MBD5: variants seen among roughly 807,000 people sequenced by gnomAD.
MBD5 encodes methyl-CpG-binding domain protein 5.
A neutral mutation model predicts 117.3 loss-of-function variants in MBD5; 13 were observed. The ratio of observed to expected loss-of-function variants is 0.11; its 90% CI spans 0.07 to 0.18. MBD5 has a LOEUF of 0.18. Among genes scored for constraint, MBD5 ranks in the 10% least tolerant of loss-of-function variants. The probability of loss-of-function intolerance (pLI) is 1.00; values close to 1 mark genes in which losing one functional copy is unlikely to be tolerated. For synonymous variants in MBD5, 727 were observed against 766.4 expected (o/e 0.95, Z 0.85); for missense variants, 1,879 against 2,093.8 (o/e 0.90, Z 2.00).
intron 2 of MBD5, among the ~76,000 whole-genome samples, chr2:148,189,027 C>A (rs1469650855): frequency 2.0e-5 from 3 of 146,796 alleles, no homozygotes; most frequent in African/African-American, 7.7e-5. Context: ...TCACTCCCAC[C>A]CGAATATTGC....
In MBD5 at chr2:148,423,249, C is replaced by T. The variant is rs184032929; in HGVS notation, c.-556-34954C>T. On this transcript the variant is annotated intron_variant, in intron 4 of 13. Coordinates refer to ENST00000642680, the MANE Select transcript of MBD5 (RefSeq NM_001378120.1). ...AGCAGATCTCTCAGCAGAAACCCTA[C>T]AATCCAGAAGAGAGTGGAGGCCAAT... is the stretch of plus-strand genomic sequence containing the variant. Among the ~76,000 whole-genome samples, 329 of 152,090 alleles carry T rather than the reference C, an allele frequency of 2.2e-3. 1 individual carries two copies. Among genetic ancestry groups the T allele is most frequent in the Non-Finnish European group, 4.1e-3 (278 of 68,000 alleles).
intron 1 of MBD5, among the ~76,000 whole-genome samples, chr2:148,103,680 A>C (rs964773450): frequency 6.6e-6 from 1 of 152,100 alleles, no homozygotes; most frequent in Non-Finnish European, 1.5e-5. Flanking sequence ...TTTTTCATAC[A>C]GTTTCTAGCC....
In MBD5 at chr2:148,282,453, C is replaced by T. The variant is rs528630868; in HGVS notation, c.-680+49058C>T. ...CTCATCTTTTCAAAACCTTTGTTTC[C>T]TCATCTGTATTTATGACATGTCTGC... On this transcript the variant is annotated intron_variant, in intron 3 of 13. Coordinates refer to ENST00000642680, the MANE Select transcript of MBD5 (RefSeq NM_001378120.1). Among the ~76,000 whole-genome samples the T allele has an allele frequency of 5.3e-5, 8 of 151,998 alleles. No homozygotes were observed. The South Asian group carries it at 1.5e-3, about 28-fold the overall frequency.
intron 2 of MBD5, among the ~76,000 whole-genome samples, chr2:148,208,679 G>A (rs1266125711): frequency 6.9e-6 from 1 of 145,554 alleles, no homozygotes; most frequent in Admixed American, 6.9e-5. Flanking sequence ...TTCCAAGGTT[G>A]CCTGTAAACA....
chr2:148,468,591 C>A lies in MBD5; in HGVS notation c.648C>A (p.Gly216=), dbSNP rs1188063685. 6.8e-6 allele frequency: 11 copies of A among 1,613,896 alleles called. No individual in the cohort carries two copies. Among genetic ancestry groups the A allele is most frequent in the Non-Finnish European group, 8.5e-6 (10 of 1,179,878 alleles). The change falls in exon 8 of 14, where the codon GGC becomes GGA. Residue 216 remains glycine (G), a synonymous_variant. Coordinates refer to ENST00000642680, the MANE Select transcript of MBD5 (RefSeq NM_001378120.1). ...SEHGQKSPFR[G]SHGGLPSPAS... ...ATGGACAGAAATCTCCATTCCGTGG[C>A]AGCCATGGAGGCCTGCCCAGCCCAG...
At chr2:148,043,276 A>AAT (rs1694418837) in intron 1 of MBD5, among the ~76,000 whole-genome samples, 1 of 150,320 alleles carries the variant, frequency 6.7e-6, no homozygotes, top group African/African-American at 2.5e-5. Context: ...ATACAAAAAA[A>AAT]AAATAAAAAA....
chr2:148,265,547 TA>T (rs1177201506), intron 3 of MBD5, among the ~76,000 whole-genome samples: 1 of 2,134 alleles, frequency 4.7e-4, no homozygotes, highest in African/African-American at 5.1e-4. Context: ...GATAAAAAAC[TA>T]TTTTTTCATA....
intron 3 of MBD5, among the ~76,000 whole-genome samples, chr2:148,311,084 A>G (rs1324339408): frequency 6.6e-6 from 1 of 152,172 alleles, no homozygotes; most frequent in Non-Finnish European, 1.5e-5. Flanking sequence ...TCAATTCTAG[A>G]ATAAGTGCTA....
At chr2:148,103,460 A>G (rs1316819325) in intron 1 of MBD5, among the ~76,000 whole-genome samples, 2 of 152,206 alleles carry the variant, frequency 1.3e-5, no homozygotes, top group African/African-American at 2.4e-5. Flanking sequence ...CTCATCACTG[A>G]TAGAGGGAGA....
intron 3 of MBD5, among the ~76,000 whole-genome samples, chr2:148,294,513 T>G (rs1174600607): frequency 7.2e-6 from 1 of 139,848 alleles, no homozygotes; most frequent in Non-Finnish European, 1.5e-5. Flanking sequence ...TTTTTTTTTT[T>G]TTTTTTTTGA....
chr2:148,425,210 A>G (rs1345270842), intron 4 of MBD5, among the ~76,000 whole-genome samples: 13 of 152,236 alleles, frequency 8.5e-5, no homozygotes, highest in Admixed American at 7.9e-4. Flanking sequence ...GAATATCACC[A>G]CTGATCCCTC....
At chr2:148,066,407 A>G (rs1402597546) in intron 1 of MBD5, among the ~76,000 whole-genome samples, 1 of 151,726 alleles carries the variant, frequency 6.6e-6, no homozygotes, top group African/African-American at 2.4e-5. Context: ...ATTTTTTCTT[A>G]CTTCCTCACT....
intron 4 of MBD5, among the ~76,000 whole-genome samples, chr2:148,383,705 T>C (rs1201347584): frequency 2.0e-5 from 3 of 151,482 alleles, no homozygotes; most frequent in African/African-American, 7.3e-5. Flanking sequence ...GATGCAAAAA[T>C]CTTCAATAAA....
intron 1 of MBD5, among the ~76,000 whole-genome samples, chr2:148,103,972 G>T (rs1476263998): frequency 6.6e-6 from 1 of 152,102 alleles, no homozygotes; most frequent in Non-Finnish European, 1.5e-5. Flanking sequence ...GCATGATGAG[G>T]CTGTGAGAAT....
intron 1 of MBD5, among the ~76,000 whole-genome samples, chr2:148,056,821 C>T (rs1328862642): frequency 4.0e-5 from 6 of 151,736 alleles, no homozygotes; most frequent in Non-Finnish European, 8.9e-5. Flanking sequence ...TTCTTGAATG[C>T]ATAGTGAAAT....
chr2:148,443,029 G>A (rs1025161499), intron 4 of MBD5, among the ~76,000 whole-genome samples: 1 of 151,236 alleles, frequency 6.6e-6, no homozygotes, highest in Non-Finnish European at 1.5e-5. Flanking sequence ...TATACAAGGA[G>A]CTCAAACAGC....
intron 4 of MBD5, among the ~76,000 whole-genome samples, chr2:148,447,172 GAAGAAGGAAAGAAAGAAAGA>G (rs1337533767): frequency 1.1e-4 from 7 of 63,624 alleles, no homozygotes; most frequent in African/African-American, 3.3e-4. Flanking sequence ...AGGAAGAAAG[GAAGAAGGAAAGAAAGAAAGA>G]AAGAAAGAAA....
chr2:148,139,450 CCCGAGGCCT>C lies in MBD5; in HGVS notation c.-924-39236_-924-39228del, dbSNP rs554814308. Among the ~76,000 whole-genome samples the C allele has an allele frequency of 2.1e-3, 326 of 152,186 alleles. 1 individual carries two copies. The highest frequency in any genetic ancestry group is 2.9e-3 in the African/African-American group (121 of 41,528). The stretch of plus-strand genomic sequence containing the variant: ...CGAAATCCTGACCTCGGGTGATCTG[CCCGAGGCCT>C]CCGAGGCCTCCGAAAGCGCTGGGAT... On this transcript the variant is annotated intron_variant, in intron 1 of 13. Transcript: ENST00000642680.
At chr2:148,100,070 C>A (rs1448117829) in intron 1 of MBD5, among the ~76,000 whole-genome samples, 1 of 152,022 alleles carries the variant, frequency 6.6e-6, no homozygotes, top group Admixed American at 6.6e-5. Flanking sequence ...CCAAATCCAT[C>A]CCTTAGAAGT....
Sources: gnomAD v4.1 joint callset for allele counts (sites outside exome capture counted in the v4.1 genomes callset) on GRCh38, gnomAD v4.1.1 for gene constraint, MANE v1.5 for transcripts, NCBI Gene and HGNC (gene_info 2026-07-23, HGNC 2026-07-21) for gene names.